Variants in ADAMTSL3 observed in about 807,000 individuals in gnomAD.
ADAMTSL3 encodes ADAMTS like 3, also known as ADAMTS-like protein 3.
A neutral mutation model predicts 201.7 loss-of-function variants in ADAMTSL3; 128 were observed. That is an observed-to-expected ratio of 0.63 (90% CI 0.55 to 0.73). ADAMTSL3 has a LOEUF of 0.73. Among genes scored for constraint, ADAMTSL3 ranks in the 30% least tolerant of loss-of-function variants. The probability of loss-of-function intolerance (pLI) is 0.00; values close to 1 mark genes in which losing one functional copy is unlikely to be tolerated. For missense variants in ADAMTSL3, 1,990 were observed against 2,119.6 expected (o/e 0.94, Z 1.20); for synonymous variants, 738 against 748.4 (o/e 0.99, Z 0.23).
chr15:83,957,523 G>C (rs2066883978), intron 19 of ADAMTSL3, among the ~76,000 whole-genome samples: 3 of 152,180 alleles, frequency 2.0e-5, no homozygotes, highest in Admixed American at 2.0e-4. Flanking sequence ...TTGGGATAGA[G>C]AGTAGTAAGT....
chr15:83,867,091 T>G (rs1002205291), intron 8 of ADAMTSL3, among the ~76,000 whole-genome samples: 30 of 152,240 alleles, frequency 2.0e-4, no homozygotes, highest in African/African-American at 7.2e-4. Flanking sequence ...GCAACTTTTT[T>G]CTTAGTTTTT....
intron 19 of ADAMTSL3, among the ~76,000 whole-genome samples, chr15:83,952,403 G>A (rs62027812): frequency 6.6e-6 from 1 of 152,162 alleles, no homozygotes; most frequent in African/African-American, 2.4e-5. Context: ...TAATCCATGT[G>A]CTGAAGAGAA....
At chr15:83,906,820 TTTTTGCTC>T (rs1394148609) in intron 15 of ADAMTSL3, among the ~76,000 whole-genome samples, 1 of 152,158 alleles carries the variant, frequency 6.6e-6, no homozygotes, top group Non-Finnish European at 1.5e-5. Flanking sequence ...TATACCTGCT[TTTTTGCTC>T]TTCCACTATA....
chr15:84,007,316 C>G (rs6603014), intron 23 of ADAMTSL3, among the ~76,000 whole-genome samples: 72,425 of 151,988 alleles, frequency 0.48, 17,648 homozygotes, highest in East Asian at 0.61. Flanking sequence ...GCTAATAAAA[C>G]CGAAAAGTTC....
rs140994688 is a variant in ADAMTSL3 at position 83,867,174 on chromosome 15, A to G, written c.803-3628A>G. ...AATCATTCTTTTAATATCCACATTA[A>G]CTATAACTATCCAAAAGACTGCATT... is the stretch of plus-strand genomic sequence containing the variant. On this transcript the variant is annotated intron_variant, in intron 8 of 29. Coordinates refer to ENST00000286744, the MANE Select transcript of ADAMTSL3 (RefSeq NM_207517.3). Among the ~76,000 whole-genome samples, 382 of 152,326 alleles carry G rather than the reference A, an allele frequency of 2.5e-3. 3 individuals carry two copies. The highest frequency in any genetic ancestry group is 6.8e-3 in the Middle Eastern group (2 of 294).
intron 23 of ADAMTSL3, among the ~76,000 whole-genome samples, chr15:84,011,638 A>G (rs1401169257): frequency 6.6e-6 from 1 of 152,214 alleles, no homozygotes; most frequent in Non-Finnish European, 1.5e-5. Context: ...AAGTATACAT[A>G]TTGGAAAGGA....
chr15:83,841,072 C>T (rs768826531), intron 7 of ADAMTSL3, among the ~76,000 whole-genome samples: 1 of 152,188 alleles, frequency 6.6e-6, no homozygotes, highest in African/African-American at 2.4e-5. Context: ...AGGATATTCT[C>T]CCCAGGGAAT....
At chr15:83,930,719 A>G (rs2142005594) in intron 17 of ADAMTSL3, among the ~76,000 whole-genome samples, 1 of 152,358 alleles carries the variant, frequency 6.6e-6, no homozygotes, top group East Asian at 1.9e-4. Context: ...TGCAAATTTA[A>G]TAAACTTTTC....
At chr15:83,881,672 T>C (rs2065273964) in intron 9 of ADAMTSL3, among the ~76,000 whole-genome samples, 2 of 150,030 alleles carry the variant, frequency 1.3e-5, no homozygotes, top group Admixed American at 1.3e-4. Context: ...CTAGCTGACA[T>C]GGAGAAACTG....
intron 2 of ADAMTSL3, among the ~76,000 whole-genome samples, chr15:83,676,535 G>A (rs553499362): frequency 1.6e-4 from 24 of 152,186 alleles, no homozygotes; most frequent in Non-Finnish European, 2.8e-4. Context: ...AAAATTAGCC[G>A]GGCTTGGTGG....
chr15:84,016,409 G>A lies in ADAMTSL3; in HGVS notation c.4183G>A (p.Val1395Ile), dbSNP rs762478236. The change falls in exon 25 of 30, where the codon GTA becomes ATA. Residue 1395 changes from valine to isoleucine, a missense_variant. Physicochemically the swap from Val to Ile is conservative, Grantham distance 29. Coordinates refer to ENST00000286744, the MANE Select transcript of ADAMTSL3 (RefSeq NM_207517.3). ...ACGAAGATGGCCAGAGAGTAGAATCGTATTTCTGCAAGGACATAAAAAGTA... is the reference window on the plus strand; with the variant it reads ...ACGAAGATGGCCAGAGAGTAGAATCATATTTCTGCAAGGACATAAAAAGTA... The part of the protein sequence containing the change: ...LERRWPESRI[V>I]FLQGHKKYIL... 56 of 1,613,562 alleles carry A rather than the reference G, an allele frequency of 3.5e-5. No individual in the cohort carries two copies. The highest frequency in any genetic ancestry group is 4.5e-5 in the Non-Finnish European group (53 of 1,179,862).
At chr15:83,664,822 A>G (rs1435302541) in intron 2 of ADAMTSL3, among the ~76,000 whole-genome samples, 1 of 152,176 alleles carries the variant, frequency 6.6e-6, no homozygotes, top group African/African-American at 2.4e-5. Flanking sequence ...CCTACCAAAA[A>G]TGTAAAAAAT....
At chr15:83,943,269 A>G (rs2066597704) in intron 19 of ADAMTSL3, among the ~76,000 whole-genome samples, 187 bp downstream of exon 19, 1 of 152,132 alleles carries the variant, frequency 6.6e-6, no homozygotes, top group African/African-American at 2.4e-5. Context: ...CCTGCACACA[A>G]TGATTCATTT....
chr15:83,745,197 G>A (rs1193864920), intron 3 of ADAMTSL3, among the ~76,000 whole-genome samples: 3 of 152,132 alleles, frequency 2.0e-5, no homozygotes, highest in Non-Finnish European at 4.4e-5. Flanking sequence ...TCACCTTCCT[G>A]GTCCATCCCC....
chr15:83,822,654 A>G (rs1235061794), intron 6 of ADAMTSL3, among the ~76,000 whole-genome samples: 18 of 131,046 alleles, frequency 1.4e-4, no homozygotes, highest in Non-Finnish European at 2.3e-4. Context: ...GGGAAGAGGC[A>G]CTCCTCACTT....
At chr15:83,754,696 C>G (rs992428316) in intron 3 of ADAMTSL3, among the ~76,000 whole-genome samples, 7 of 152,160 alleles carry the variant, frequency 4.6e-5, no homozygotes, top group Admixed American at 2.0e-4. Flanking sequence ...ATAGAAATGC[C>G]ATTACATGAT....
intron 16 of ADAMTSL3, among the ~76,000 whole-genome samples, chr15:83,915,766 C>T (rs1013651026): frequency 3.7e-4 from 57 of 152,248 alleles, no homozygotes; most frequent in East Asian, 3.9e-4. Context: ...TCTGTGACTG[C>T]GATCTTTCAC....
At chr15:83,826,524 ATTATAC>A (rs2064025997) in intron 6 of ADAMTSL3, among the ~76,000 whole-genome samples, 1 of 151,758 alleles carries the variant, frequency 6.6e-6, no homozygotes, top group African/African-American at 2.4e-5. Flanking sequence ...TTTTAAAAAA[ATTATAC>A]TTTAAGTTCT....
intron 16 of ADAMTSL3, 68 bp from the exon 17 acceptor site, chr15:83,923,834 ACT>A (rs1337614705): frequency 6.4e-7 from 1 of 1,563,330 alleles, no homozygotes; most frequent in Non-Finnish European, 8.8e-7. Context: ...AAGACCTAAG[ACT>A]CTATTTTCTT....
Sources: allele counts gnomAD v4.1 joint callset (sites outside exome capture counted in the v4.1 genomes callset), GRCh38; gene constraint gnomAD v4.1.1; transcripts MANE v1.5; gene names NCBI Gene and HGNC (gene_info 2026-07-23, HGNC 2026-07-21).